The following PGS1 variants were observed in gnomAD, a reference collection of about 807,000 sequenced individuals.
PGS1 encodes phosphatidylglycerophosphate synthase 1.
Under a neutral mutation model 58.3 loss-of-function variants are expected in PGS1, and 44 were observed. The ratio of observed to expected loss-of-function variants is 0.75; its 90% CI spans 0.59 to 0.97. PGS1 has a LOEUF of 0.97. PGS1 is among the 50% of genes least tolerant of loss of function. The probability of loss-of-function intolerance (pLI) is 0.00; values close to 1 mark genes in which losing one functional copy is unlikely to be tolerated. For synonymous variants in PGS1, 330 were observed against 311.0 expected (o/e 1.06, Z -0.64); for missense variants, 684 against 731.1 (o/e 0.94, Z 0.74).
chr17:78,382,383 C>A (rs1229773414), intron 1 of PGS1, among the ~76,000 whole-genome samples: 1 of 151,992 alleles, frequency 6.6e-6, no homozygotes, highest in African/African-American at 2.4e-5. Flanking sequence ...GCAGTGGGAG[C>A]AGAAAAGAGG....
chr17:78,421,679 AAC>A (rs2085761409), intron 9 of PGS1: 2 of 152,400 alleles, frequency 1.3e-5, no homozygotes, highest in South Asian at 2.1e-4. Flanking sequence ...GCTCTCGGTA[AAC>A]AGAGTTCGCA....
At chr17:78,384,586 G>C (rs1054151872) in intron 1 of PGS1, among the ~76,000 whole-genome samples, 1 of 152,142 alleles carries the variant, frequency 6.6e-6, no homozygotes, top group Non-Finnish European at 1.5e-5. Context: ...TCTGTACCGT[G>C]AATGTACCTT....
intron 8 of PGS1, among the ~76,000 whole-genome samples, chr17:78,415,493 A>T (rs1188655638): frequency 1.3e-5 from 2 of 152,246 alleles, no homozygotes; most frequent in East Asian, 3.9e-4. Context: ...GTAGCCGGGC[A>T]TGGTGGCGGG....
intron 1 of PGS1, among the ~76,000 whole-genome samples, chr17:78,385,751 C>A (rs541412891): frequency 6.6e-6 from 1 of 152,300 alleles, no homozygotes; most frequent in East Asian, 1.9e-4. Flanking sequence ...CAGGTGTGTT[C>A]CATAGCTTCT....
At position 78,403,890 on chromosome 17, in the gene PGS1, C is replaced by T. The variant is rs542143117; in HGVS notation, c.1203C>T (p.Gly401=). 1.1e-5 allele frequency: 17 copies of T among 1,614,018 alleles called. No individual in the cohort carries two copies. Among genetic ancestry groups the T allele is most frequent in the Non-Finnish European group, 1.1e-5 (13 of 1,179,942 alleles). Residue 401 remains glycine (G), a synonymous_variant, in exon 7 of 10, where the codon GGC becomes GGT. Coordinates refer to ENST00000262764, the MANE Select transcript of PGS1 (RefSeq NM_024419.5). ...AGGCCTACATGGACCTGGTCTTGGG[C>T]ACTCGGGCTGAGTACCAGATCCTGC... ...LTQAYMDLVL[G]TRAEYQILLA...
chr17:78,422,215 G>A (rs1011075084), intron 9 of PGS1, among the ~76,000 whole-genome samples: 14 of 152,090 alleles, frequency 9.2e-5, no homozygotes, highest in Non-Finnish European at 1.6e-4. Flanking sequence ...GACCCCTCCT[G>A]GCCAGCAGAG....
chr17:78,381,963 G>T (rs1303866343), intron 1 of PGS1, among the ~76,000 whole-genome samples: 16 of 152,146 alleles, frequency 1.1e-4, no homozygotes. Context: ...TAAAGACACA[G>T]CCCCACCTCC....
Position 78,400,569 on chromosome 17 carries a change from C to T in PGS1, c.702-108C>T, listed in dbSNP as rs1424340728. On this transcript the variant is annotated intron_variant, in intron 5 of 9. Coordinates refer to ENST00000262764, the MANE Select transcript of PGS1 (RefSeq NM_024419.5). This position sits in a 1 kb window ranked among gnomAD's most constrained non-coding sequence, Gnocchi z 4.4. ...TAGCTATTTGTTAACTGCATCTTGA[C>T]CTGAGTTTGTCACCCCCCTGCTAGT... The T allele has an allele frequency of 1.5e-5, 13 of 855,524 alleles. No homozygotes were observed. Among genetic ancestry groups the T allele is most frequent in the Non-Finnish European group, 2.5e-5 (13 of 520,582 alleles). The allele number at this position is 855,524 out of a possible 1,614,324, so 53.0% of individuals were successfully genotyped here. A position where few individuals can be genotyped will look rare whatever the true frequency, so the allele number is the denominator to read the frequency against.
chr17:78,411,665 T>C (rs1251264823), intron 7 of PGS1, among the ~76,000 whole-genome samples: 2 of 152,142 alleles, frequency 1.3e-5, no homozygotes, highest in East Asian at 3.9e-4. Context: ...TGATGGTTCC[T>C]GGAATAGTAA....
At chr17:78,387,486 A>G (rs1001776781) in intron 1 of PGS1, among the ~76,000 whole-genome samples, 1 of 148,842 alleles carries the variant, frequency 6.7e-6, no homozygotes, top group Non-Finnish European at 1.5e-5. Context: ...TTTAGTAGAG[A>G]TGGGGTTTCT....
intron 9 of PGS1, chr17:78,419,910 C>T (rs970124206): frequency 7.9e-7 from 1 of 1,258,144 alleles, no homozygotes; most frequent in Non-Finnish European, 1.0e-6. Context: ...TCCCAAGGCG[C>T]CTGTGCTGGG....
chr17:78,404,223 C>G, intron 7 of PGS1, 134 bp downstream of exon 7: 1 of 915,336 alleles, frequency 1.1e-6, no homozygotes. Flanking sequence ...CCCTTGCAGG[C>G]ACATCATAGC....
chr17:78,414,855 C>A (rs375694243), intron 7 of PGS1, 24 bp from the exon 8 acceptor site: 2 of 1,612,784 alleles, frequency 1.2e-6, no homozygotes, highest in South Asian at 2.2e-5. Flanking sequence ...CATTTCCTGT[C>A]TGCACGTTTC....
chr17:78,390,062 T>TTCCCCCCCCCCCCCCCCCCC (rs2082704736), intron 1 of PGS1, among the ~76,000 whole-genome samples: 2 of 128,602 alleles, frequency 1.6e-5, no homozygotes, highest in African/African-American at 6.0e-5. Flanking sequence ...TGTTGCCTGT[T>TTCCCCCCCCCCCCCCCCCCC]CCCCCGCCCC....
At position 78,423,345 on chromosome 17, in the gene PGS1, G is replaced by A. The variant is rs188003007; in HGVS notation, c.*11-716G>A. ...GCTTGTTCTTCTAGACTCTGGGGGC[G>A]GGGGCTTGGGTGTGTTTCCTTACTT... On this transcript the variant is annotated intron_variant, in intron 9 of 9. Coordinates refer to ENST00000262764, the MANE Select transcript of PGS1 (RefSeq NM_024419.5). Among the ~76,000 whole-genome samples the A allele has an allele frequency of 9.2e-5, 14 of 152,256 alleles. No homozygotes were observed. In the East Asian group the frequency reaches 1.4e-3, roughly 15 times the overall value.
chr17:78,412,227 C>T (rs1246033548), intron 7 of PGS1, among the ~76,000 whole-genome samples: 1 of 152,040 alleles, frequency 6.6e-6, no homozygotes, highest in African/African-American at 2.4e-5. Flanking sequence ...ACTTAGGGCT[C>T]CCCAGAGGGC....
At chr17:78,382,628 A>G (rs2146048843) in intron 1 of PGS1, 1 of 147,912 alleles carries the variant, frequency 6.8e-6, no homozygotes, top group East Asian at 2.0e-4. Flanking sequence ...ATCCGGCTAC[A>G]CAGAATGGTT....
intron 1 of PGS1, among the ~76,000 whole-genome samples, chr17:78,388,041 C>G (rs1257060940): frequency 6.6e-6 from 1 of 152,210 alleles, no homozygotes; most frequent in African/African-American, 2.4e-5. Context: ...AAGGTTGAGT[C>G]TCCTCCATAA....
intron 1 of PGS1, chr17:78,382,898 G>T (rs2082136584): frequency 6.6e-6 from 1 of 152,156 alleles, no homozygotes; most frequent in Non-Finnish European, 1.5e-5. Context: ...CCCCGCCTCG[G>T]CCTCCCAAAG....
Sources: allele counts gnomAD v4.1 joint callset (sites outside exome capture counted in the v4.1 genomes callset), GRCh38; gene constraint gnomAD v4.1.1; non-coding constraint Gnocchi (gnomAD v3.1); transcripts MANE v1.5; gene names NCBI Gene and HGNC (gene_info 2026-07-23, HGNC 2026-07-21).